Variants in TAF1A observed in about 807,000 individuals in gnomAD.
TAF1A encodes the protein TATA box-binding protein-associated factor RNA polymerase I subunit A.
A neutral mutation model predicts 61.6 loss-of-function variants in TAF1A; 42 were observed. The observed-to-expected ratio is 0.68, with a 90% CI of 0.53 to 0.88. The LOEUF is 0.88. Ranked by LOEUF, TAF1A falls within the 40% of genes least tolerant of loss-of-function variation. The pLI, the probability that TAF1A is intolerant of heterozygous loss-of-function variation, is 0.00. For synonymous variants in TAF1A, 179 were observed against 177.7 expected, an observed-to-expected ratio of 1.01 and a Z score of -0.06; for missense variants, 424 against 518.7, an observed-to-expected ratio of 0.82 and a Z score of 1.77.
At chr1:222,575,160 A>G (rs900497568) in intron 5 of TAF1A, among the ~76,000 whole-genome samples, 9 of 152,170 alleles carry the variant, frequency 5.9e-5, no homozygotes, top group Non-Finnish European at 1.0e-4. Context: ...AGTTAAATAC[A>G]TATCAATATG....
chr1:222,563,264 C>A lies in TAF1A; in HGVS notation c.994G>T (p.Val332Leu), dbSNP rs1384710814. The A allele has an allele frequency of 6.2e-7, 1 of 1,613,056 alleles. No individual in the cohort carries two copies. Among genetic ancestry groups the A allele is most frequent in the Admixed American group, 1.7e-5 (1 of 59,790 alleles). The change falls in exon 9 of 11, where the codon GTA (valine) becomes TTA (leucine). Residue 332 changes from valine to leucine, a missense_variant. Val to Leu is a conservative substitution (Grantham distance 32, BLOSUM62 1). Transcript: ENST00000352967. The part of the protein sequence containing the change: ...KEEHRKLGLE[V>L]LFGVLDFAGC... ...GCAAAATCTAAGACTCCAAATAATACCTCCAACCCCAGTTTACGGTGTTCT... is the reference window on the plus strand; with the variant it reads ...GCAAAATCTAAGACTCCAAATAATAACTCCAACCCCAGTTTACGGTGTTCT...
At chr1:222,574,228 T>C (rs1393633225) in intron 5 of TAF1A, among the ~76,000 whole-genome samples, 1 of 152,108 alleles carries the variant, frequency 6.6e-6, no homozygotes, top group Non-Finnish European at 1.5e-5. Flanking sequence ...TTGTATATTT[T>C]AAGTGGGTGA....
chr1:222,576,498 C>T (rs541299223), intron 5 of TAF1A, among the ~76,000 whole-genome samples: 42 of 152,210 alleles, frequency 2.8e-4, no homozygotes, highest in Non-Finnish European at 4.1e-4. Context: ...TTATCCCCTA[C>T]GGAGAAACTA....
intron 7 of TAF1A, among the ~76,000 whole-genome samples, chr1:222,565,230 C>T (rs762036772): frequency 2.6e-4 from 40 of 152,220 alleles, no homozygotes; most frequent in Non-Finnish European, 5.1e-4. Flanking sequence ...ACCTAGGACT[C>T]CAATGACAGG....
chr1:222,588,072 G>A (rs571646372), intron 2 of TAF1A, among the ~76,000 whole-genome samples: 1 of 151,822 alleles, frequency 6.6e-6, no homozygotes, highest in Non-Finnish European at 1.5e-5. Flanking sequence ...TCTATTACAC[G>A]ATCAATTCTA....
In TAF1A at chr1:222,588,520, T is replaced by A. The variant is rs755596539; in HGVS notation, c.44A>T (p.Asp15Val). 21 of 1,613,898 alleles carry A rather than the reference T, an allele frequency of 1.3e-5. No homozygotes were observed. In the East Asian group the frequency reaches 4.2e-4, roughly 33 times the overall value. ...SEELKGPVTD[D>V]EEVETSVLSG... ...GAGCACAGATGTTTCCACTTCTTCA[T>A]CATCTGTCACAGGCCCTTTTAATTC... The change falls in exon 2 of 11, where the codon GAT becomes GTT. Residue 15 changes from aspartate (D) to valine (V), a missense_variant. Transcript: ENST00000352967.
chr1:222,581,127 T>C (rs1481457318), intron 3 of TAF1A, among the ~76,000 whole-genome samples: 1 of 152,074 alleles, frequency 6.6e-6, no homozygotes, highest in African/African-American at 2.4e-5. Context: ...AAATAAAAGA[T>C]ACTCTGACTC....
chr1:222,588,330 C>T, intron 2 of TAF1A, 113 bp downstream of exon 2: 1 of 1,324,544 alleles, frequency 7.5e-7, no homozygotes, highest in Non-Finnish European at 1.0e-6. Context: ...GCCAAAAAAC[C>T]CTCCACATAT....
chr1:222,564,593 C>G (rs981708976), intron 7 of TAF1A, among the ~76,000 whole-genome samples: 4 of 152,054 alleles, frequency 2.6e-5, no homozygotes, highest in Non-Finnish European at 5.9e-5. Flanking sequence ...ACAGATTGTG[C>G]TCAGGAACAG....
chr1:222,558,569 GCTT>G lies in TAF1A; in HGVS notation c.*88_*90del, dbSNP rs1299584614. Reference sequence around the variant, plus strand: ...AAATAAGTTTTTTGTAGTAATATAAGCTTCTTAATACACTACATAAATACATTC... The same window carrying G: ...AAATAAGTTTTTTGTAGTAATATAAGCTTAATACACTACATAAATACATTC... On this transcript the variant is annotated 3_prime_UTR_variant, in exon 11 of 11. Transcript: ENST00000352967. The G allele has an allele frequency of 9.5e-6, 5 of 525,218 alleles. No individual in the cohort carries two copies. Among genetic ancestry groups the G allele is most frequent in the Non-Finnish European group, 1.6e-5 (5 of 322,252 alleles). 32.5% of individuals were successfully genotyped at this position (525,218 alleles called of 1,614,324 possible).
chr1:222,574,450 C>T (rs1660488423), intron 5 of TAF1A, among the ~76,000 whole-genome samples: 1 of 151,984 alleles, frequency 6.6e-6, no homozygotes, highest in South Asian at 2.1e-4. Context: ...ATATTATGTA[C>T]CAAAGTTAAA....
At chr1:222,588,361 G>A (rs1661106623) in intron 2 of TAF1A, 82 bp downstream of exon 2, 1 of 1,494,986 alleles carries the variant, frequency 6.7e-7, no homozygotes, top group Admixed American at 2.1e-5. Flanking sequence ...AATTAAACCA[G>A]TCTGGTTATT....
intron 10 of TAF1A, among the ~76,000 whole-genome samples, chr1:222,560,296 A>C (rs1169969717): frequency 6.6e-6 from 1 of 152,240 alleles, no homozygotes; most frequent in African/African-American, 2.4e-5. Context: ...CTCTTGCGGG[A>C]GTAACTGATG....
intron 5 of TAF1A, among the ~76,000 whole-genome samples, chr1:222,575,166 A>C (rs996100669): frequency 6.6e-6 from 1 of 152,146 alleles, no homozygotes; most frequent in African/African-American, 2.4e-5. Context: ...ATACATATCA[A>C]TATGAACTTA....
At position 222,577,577 on chromosome 1, in the gene TAF1A, T is replaced by G. The variant is rs1660624233; in HGVS notation, c.472A>C (p.Ser158Arg). The G allele has an allele frequency of 6.2e-7, 1 of 1,613,880 alleles. No homozygotes were observed. The highest frequency in any genetic ancestry group is 8.5e-7 in the Non-Finnish European group (1 of 1,179,932). The change falls in exon 5 of 11, where the codon AGT becomes CGT. Residue 158 changes from serine (S) to arginine (R), a missense_variant. Transcript: ENST00000352967. Reference protein sequence around the residue: ...GMLKDAKRNLSEAETWRHGEN... With the variant: ...GMLKDAKRNLREAETWRHGEN... Reference sequence around the variant, plus strand: ...CCATGTCTCCATGTCTCTGCCTCACTCAGATTTCTCTTAGCATCTTTAAGC... The same window carrying G: ...CCATGTCTCCATGTCTCTGCCTCACGCAGATTTCTCTTAGCATCTTTAAGC...
At chr1:222,587,673 C>A (rs906875197) in intron 2 of TAF1A, among the ~76,000 whole-genome samples, 2 of 152,072 alleles carry the variant, frequency 1.3e-5, no homozygotes, top group Non-Finnish European at 2.9e-5. Flanking sequence ...AACATACTTG[C>A]ATTTATATTA....
chr1:222,574,125 T>G (rs1007232446), intron 5 of TAF1A, among the ~76,000 whole-genome samples: 14 of 151,622 alleles, frequency 9.2e-5, no homozygotes, highest in Non-Finnish European at 1.6e-4. Flanking sequence ...TGGGGAGAAA[T>G]GGGAGAGCAC....
At chr1:222,555,764 T>C (rs1659718034), downstream of TAF1A, among the ~76,000 whole-genome samples, 3 of 152,314 alleles carry the variant, frequency 2.0e-5, no homozygotes, top group African/African-American at 7.2e-5. Flanking sequence ...GTAATGAAGA[T>C]ATTAATTAGC....
At chr1:222,570,440 T>C in intron 6 of TAF1A, 95 bp downstream of exon 6, 1 of 1,255,388 alleles carries the variant, frequency 8.0e-7, no homozygotes, top group Admixed American at 2.5e-5. Context: ...ATTTTTTCCA[T>C]TAGTTTCTTT....
Sources: allele counts gnomAD v4.1 joint callset (sites outside exome capture counted in the v4.1 genomes callset), GRCh38; gene constraint gnomAD v4.1.1; transcripts MANE v1.5; gene names NCBI Gene and HGNC (gene_info 2026-07-23, HGNC 2026-07-21).